The following TTC29 variants were observed in gnomAD, a reference collection of about 807,000 sequenced individuals.
TTC29 encodes the protein tetratricopeptide repeat domain 29, also known as tetratricopeptide repeat protein 29.
Under a neutral mutation model 58.1 loss-of-function variants are expected in TTC29, and 49 were observed. The observed-to-expected ratio is 0.84, with a 90% CI of 0.67 to 1.07. TTC29 has a LOEUF of 1.07. TTC29 is among the 50% of genes least tolerant of loss of function. The pLI, the probability that TTC29 is intolerant of heterozygous loss-of-function variation, is 0.00. For synonymous variants in TTC29, 209 were observed against 196.8 expected (o/e 1.06, Z -0.52); for missense variants, 582 against 555.6 (o/e 1.05, Z -0.48).
chr4:146,874,657 G>T, intron 7 of TTC29, 59 bp downstream of exon 7: 2 of 1,342,372 alleles, frequency 1.5e-6, no homozygotes, highest in Non-Finnish European at 2.1e-6. Context: ...CTTCACTCTT[G>T]GGAGAAACAG....
chr4:146,804,642 A>G (rs945371915), intron 10 of TTC29, among the ~76,000 whole-genome samples: 1 of 152,116 alleles, frequency 6.6e-6, no homozygotes, highest in Non-Finnish European at 1.5e-5. Context: ...GGTGGAGCAC[A>G]CCACAGCTCC....
chr4:146,925,009 G>A (rs1287662241), intron 4 of TTC29, among the ~76,000 whole-genome samples: 1 of 151,890 alleles, frequency 6.6e-6, no homozygotes, highest in East Asian at 1.9e-4. Context: ...CCCAATTCGG[G>A]AAGATTTTCC....
chr4:146,795,238 T>G (rs571875047), intron 11 of TTC29, among the ~76,000 whole-genome samples: 102 of 152,272 alleles, frequency 6.7e-4, no homozygotes, highest in African/African-American at 2.4e-3. Context: ...AAAGTAAATG[T>G]GTGCAGGTAC....
intron 11 of TTC29, among the ~76,000 whole-genome samples, chr4:146,802,957 A>G (rs1338731079): frequency 3.3e-5 from 5 of 152,206 alleles, no homozygotes; most frequent in Admixed American, 3.3e-4. Flanking sequence ...ATTCTATTGA[A>G]TAAGAAAAAG....
At chr4:146,888,635 G>C (rs1732150001) in intron 6 of TTC29, among the ~76,000 whole-genome samples, 1 of 152,098 alleles carries the variant, frequency 6.6e-6, no homozygotes, top group South Asian at 2.1e-4. Context: ...ATTATCTGAA[G>C]GACTAGAATT....
chr4:146,757,524 C>T (rs896166150), intron 11 of TTC29, among the ~76,000 whole-genome samples: 3 of 152,152 alleles, frequency 2.0e-5, no homozygotes, highest in African/African-American at 7.2e-5. Flanking sequence ...ATCAGGTTAT[C>T]CAAAGTTAAG....
intron 2 of TTC29, among the ~76,000 whole-genome samples, chr4:146,940,941 A>G (rs1736331866): frequency 6.6e-6 from 1 of 152,252 alleles, no homozygotes; most frequent in Admixed American, 6.5e-5. Flanking sequence ...GAGAGTGTCA[A>G]AGTTTCATTA....
chr4:146,816,520 C>T (rs532333023), intron 10 of TTC29, among the ~76,000 whole-genome samples: 132 of 151,770 alleles, frequency 8.7e-4, no homozygotes, highest in African/African-American at 3.1e-3. Context: ...GGGGAAACAA[C>T]GTGGTGGAGA....
At chr4:146,794,346 A>G (rs1422778924) in intron 11 of TTC29, among the ~76,000 whole-genome samples, 1 of 152,116 alleles carries the variant, frequency 6.6e-6, no homozygotes, top group East Asian at 1.9e-4. Flanking sequence ...TGTATTCAAC[A>G]CAATTAGTTT....
chr4:146,728,790 TATACGTATATATACAC>T (rs1744025606), intron 11 of TTC29, among the ~76,000 whole-genome samples: 1 of 134,282 alleles, frequency 7.4e-6, no homozygotes, highest in South Asian at 2.2e-4. Flanking sequence ...TATGTGTATA[TATACGTATATATACAC>T]ATATATATGT....
In TTC29 at chr4:146,887,865, T is replaced by C. The variant is rs553573725; in HGVS notation, c.587-12937A>G. Among the ~76,000 whole-genome samples, 67 of 152,208 alleles carry C rather than the reference T, an allele frequency of 4.4e-4. 1 individual carries two copies. In the South Asian group the frequency reaches 0.013, roughly 31 times the overall value. On this transcript the variant is annotated intron_variant, in intron 6 of 12. Coordinates refer to ENST00000325106, the MANE Select transcript of TTC29 (RefSeq NM_031956.4). ...ACCAGAGAACAATTCTTCCTTCTTCTATTTCCCACCCAAGCTACTGTTCTT... is the reference window on the plus strand; with the variant it reads ...ACCAGAGAACAATTCTTCCTTCTTCCATTTCCCACCCAAGCTACTGTTCTT...
chr4:146,709,333 C>G (rs1742317367), intron 11 of TTC29, among the ~76,000 whole-genome samples: 1 of 152,104 alleles, frequency 6.6e-6, no homozygotes, highest in South Asian at 2.1e-4. Context: ...AGATCACTCC[C>G]TCTGGTATCC....
At chr4:146,855,400 T>C (rs932087539) in intron 8 of TTC29, among the ~76,000 whole-genome samples, 2 of 134,422 alleles carry the variant, frequency 1.5e-5, no homozygotes, top group Non-Finnish European at 3.1e-5. Context: ...GCCACTGCAC[T>C]CCAGCCTGGG....
intron 11 of TTC29, among the ~76,000 whole-genome samples, chr4:146,793,943 G>T (rs939715759): frequency 2.0e-5 from 3 of 152,118 alleles, no homozygotes; most frequent in Non-Finnish European, 4.4e-5. Flanking sequence ...AACTGGAAGG[G>T]CCTCAGGGCA....
chr4:146,800,773 C>G (rs955034714), intron 11 of TTC29, among the ~76,000 whole-genome samples: 3 of 152,146 alleles, frequency 2.0e-5, no homozygotes, highest in South Asian at 4.1e-4. Context: ...CTAGTAGATG[C>G]CAAACATCGT....
At chr4:146,920,020 T>C (rs1734478847) in intron 4 of TTC29, among the ~76,000 whole-genome samples, 1 of 151,024 alleles carries the variant, frequency 6.6e-6, no homozygotes, top group African/African-American at 2.4e-5. Context: ...AATCTGTAGT[T>C]TGCACCTTCC....
intron 11 of TTC29, among the ~76,000 whole-genome samples, chr4:146,721,416 C>T (rs931061025): frequency 1.3e-5 from 2 of 152,154 alleles, no homozygotes; most frequent in Non-Finnish European, 2.9e-5. Context: ...AGTACATAAT[C>T]ACCATTTCCT....
At chr4:146,940,179 T>G (rs1316546354) in intron 2 of TTC29, among the ~76,000 whole-genome samples, 1 of 152,188 alleles carries the variant, frequency 6.6e-6, no homozygotes, top group Non-Finnish European at 1.5e-5. Flanking sequence ...GCATTGATGG[T>G]TCAGTTGGCA....
At chr4:146,861,401 T>A (rs1277999291) in intron 8 of TTC29, among the ~76,000 whole-genome samples, 1 of 152,224 alleles carries the variant, frequency 6.6e-6, no homozygotes, top group Non-Finnish European at 1.5e-5. Flanking sequence ...GCACATGGCA[T>A]ATGCAGGTAG....
Sources: allele counts gnomAD v4.1 joint callset (sites outside exome capture counted in the v4.1 genomes callset), GRCh38; gene constraint gnomAD v4.1.1; transcripts MANE v1.5; gene names NCBI Gene and HGNC (gene_info 2026-07-23, HGNC 2026-07-21).